The following PSME4 variants were observed in gnomAD, a reference collection of about 807,000 sequenced individuals.
PSME4 encodes proteasome activator complex subunit 4.
Under a neutral mutation model 253.9 loss-of-function variants are expected in PSME4, and 89 were observed. The observed-to-expected ratio is 0.35, with a 90% CI of 0.30 to 0.42. The LOEUF (loss-of-function observed/expected upper bound fraction) is 0.42. Among genes scored for constraint, PSME4 ranks in the 10% least tolerant of loss-of-function variants. The pLI is 1.00. For synonymous variants in PSME4, 851 were observed against 759.2 expected, an observed-to-expected ratio of 1.12 and a Z score of -1.99; for missense variants, 2,014 against 2,195.2, an observed-to-expected ratio of 0.92 and a Z score of 1.65.
Position 53,927,517 on chromosome 2 carries a change from A to T in PSME4, c.1504-34T>A, listed in dbSNP as rs776670243. The T allele has an allele frequency of 3.6e-6, 5 of 1,379,608 alleles. No homozygotes were observed. The African/African-American group carries it at 4.3e-5, about 12-fold the overall frequency. The allele number at this position is 1,379,608 out of a possible 1,614,324, so 85.5% of individuals were successfully genotyped here. ...ACATACAAAGGATTTTCAACATTAC[A>T]TAATTCTAATTCAGAAATACAAGTA... On this transcript the variant is annotated intron_variant, in intron 11 of 46. Transcript: ENST00000404125.
chr2:53,878,219 T>C lies in PSME4; in HGVS notation c.4816-2464A>G, dbSNP rs376269734. On this transcript the variant is annotated intron_variant, in intron 41 of 46. Coordinates refer to ENST00000404125, the MANE Select transcript of PSME4 (RefSeq NM_014614.3). ...ACTTTTATAATTTATTATGCCTGTC[T>C]TTACTGCAATCTCTGAACATAAATT... Among the ~76,000 whole-genome samples the C allele has an allele frequency of 1.3e-4, 20 of 152,344 alleles. No homozygotes were observed. In the East Asian group the frequency reaches 2.1e-3, roughly 16 times the overall value.
At chr2:53,930,029 A>T (rs981448617) in intron 10 of PSME4, among the ~76,000 whole-genome samples, 1 of 150,708 alleles carries the variant, frequency 6.6e-6, no homozygotes, top group African/African-American at 2.4e-5. Context: ...AAATAAATAA[A>T]TAATAAATAA....
At chr2:53,909,946 G>T (rs919983252) in intron 21 of PSME4, 129 bp downstream of exon 21, 9 of 834,456 alleles carry the variant, frequency 1.1e-5, no homozygotes, top group African/African-American at 8.4e-5. Flanking sequence ...CTCCAGCCTG[G>T]GAGACAGAGT....
chr2:53,959,638 GA>G (rs1459866715), intron 1 of PSME4, among the ~76,000 whole-genome samples: 4 of 152,084 alleles, frequency 2.6e-5, no homozygotes, highest in Non-Finnish European at 4.4e-5. Flanking sequence ...AAGGGATCAG[GA>G]ACAAATTACT....
At chr2:53,886,914 G>C (rs1488058427) in intron 40 of PSME4, among the ~76,000 whole-genome samples, 2 of 152,136 alleles carry the variant, frequency 1.3e-5, no homozygotes, top group Admixed American at 1.3e-4. Context: ...ACACAAAAAA[G>C]ACTTATGATT....
chr2:53,890,016 A>G, intron 37 of PSME4, 88 bp downstream of exon 37: 1 of 989,558 alleles, frequency 1.0e-6, no homozygotes, highest in Non-Finnish European at 1.5e-6. Flanking sequence ...AGATTTAAGA[A>G]GTGTTATGAG....
chr2:53,930,787 C>A (rs1425582682), intron 10 of PSME4, among the ~76,000 whole-genome samples: 1 of 152,132 alleles, frequency 6.6e-6, no homozygotes, highest in Non-Finnish European at 1.5e-5. Flanking sequence ...TGAATTCTAC[C>A]ACTAGGGACC....
intron 1 of PSME4, among the ~76,000 whole-genome samples, chr2:53,961,495 G>C (rs538952243): frequency 1.3e-5 from 2 of 152,228 alleles, no homozygotes; most frequent in South Asian, 2.1e-4. Flanking sequence ...GTGAGACCCT[G>C]TCTCTACAAA....
chr2:53,943,505 A>G (rs1326053479), intron 3 of PSME4, among the ~76,000 whole-genome samples: 1 of 152,176 alleles, frequency 6.6e-6, no homozygotes, highest in Non-Finnish European at 1.5e-5. Flanking sequence ...TTTCATTGCC[A>G]CTTCACTCAA....
At chr2:53,934,056 A>G (rs1668991853) in intron 8 of PSME4, among the ~76,000 whole-genome samples, 1 of 152,236 alleles carries the variant, frequency 6.6e-6, no homozygotes, top group African/African-American at 2.4e-5. Flanking sequence ...CAATATATGA[A>G]TGATAAACTA....
At chr2:53,927,156 T>C (rs1194711337) in intron 12 of PSME4, among the ~76,000 whole-genome samples, 1 of 152,166 alleles carries the variant, frequency 6.6e-6, no homozygotes, top group Non-Finnish European at 1.5e-5. Context: ...GACATAAAAC[T>C]GAAATACACC....
At chr2:53,895,981 C>A (rs1385214675) in intron 32 of PSME4, among the ~76,000 whole-genome samples, 1 of 151,974 alleles carries the variant, frequency 6.6e-6, no homozygotes, top group Non-Finnish European at 1.5e-5. Context: ...ACACTTCATT[C>A]CTTTTACCAA....
At chr2:53,918,675 C>A (rs1668166585) in intron 20 of PSME4, among the ~76,000 whole-genome samples, 1 of 152,108 alleles carries the variant, frequency 6.6e-6, no homozygotes, top group Admixed American at 6.6e-5. Context: ...ACAACGGATT[C>A]AATTTAGCTA....
In PSME4 at chr2:53,932,010, G is replaced by C. The variant is rs754437559; in HGVS notation, c.1141C>G (p.Pro381Ala). Residue 381 changes from proline (P) to alanine (A), a missense_variant, in exon 10 of 47, where the codon CCT (proline) becomes GCT (alanine). Physicochemically the swap from Pro to Ala is conservative, Grantham distance 27. This residue lies in a region of PSME4 where 615 missense variants were observed against 594.4 expected (regional missense o/e 1.03). Transcript: ENST00000404125. ...GTAAGCTTGTGGCTATCAGGCACAGGAGTTAACCAAGAGGGCTTCTTGTAT... is the reference window on the plus strand; with the variant it reads ...GTAAGCTTGTGGCTATCAGGCACAGCAGTTAACCAAGAGGGCTTCTTGTAT... ...ERYKKPSWLT[P>A]VPDSHKLTDQ... The C allele has an allele frequency of 1.5e-5, 24 of 1,613,670 alleles. No individual in the cohort carries two copies. The South Asian group carries it at 2.5e-4, about 17-fold the overall frequency.
chr2:53,920,220 C>T lies in PSME4; in HGVS notation c.2393G>A (p.Cys798Tyr), dbSNP rs1308237688. Residue 798 changes from cysteine (C) to tyrosine (Y), a missense_variant, in exon 19 of 47, where the codon TGT becomes TAT. Around this residue, in one of 4 missense-constraint regions of PSME4, gnomAD observed 989 missense variants for 1,021.1 expected, o/e 0.97. Coordinates refer to ENST00000404125, the MANE Select transcript of PSME4 (RefSeq NM_014614.3). ...LQPELVKLQHCGDGKLEMSRD... is the reference protein window; with the variant it reads ...LQPELVKLQHYGDGKLEMSRD... ...AGACATTTCAAGTTTTCCATCCCCA[C>T]AATGCTGGAGTTTGACGAGCTCAGG... The T allele has an allele frequency of 1.9e-6, 3 of 1,611,466 alleles. No individual in the cohort carries two copies. Among genetic ancestry groups the T allele is most frequent in the African/African-American group, 2.7e-5 (2 of 74,808 alleles).
At chr2:53,899,848 G>A (rs1680312657) in intron 29 of PSME4, 33 bp downstream of exon 29, 1 of 1,606,178 alleles carries the variant, frequency 6.2e-7, no homozygotes, top group Middle Eastern at 1.7e-4. Context: ...TATCTATAAT[G>A]TCATCTATTG....
chr2:53,919,035 A>T, intron 20 of PSME4, 116 bp downstream of exon 20: 1 of 1,035,520 alleles, frequency 9.7e-7, no homozygotes, highest in South Asian at 1.6e-5. Context: ...AACAGTGACA[A>T]ATAAAAAGGT....
intron 27 of PSME4, among the ~76,000 whole-genome samples, chr2:53,902,910 T>C (rs559964187): frequency 2.6e-5 from 4 of 152,230 alleles, no homozygotes; most frequent in Non-Finnish European, 5.9e-5. Flanking sequence ...ACAAGCTTCA[T>C]GGAAGATGTT....
chr2:53,920,141 A>C, intron 19 of PSME4, 52 bp downstream of exon 19: 1 of 1,471,758 alleles, frequency 6.8e-7, no homozygotes, highest in Admixed American at 2.2e-5. Context: ...AAAGCCAAAA[A>C]AGACTTCTTT....
Sources: allele counts gnomAD v4.1 joint callset (sites outside exome capture counted in the v4.1 genomes callset), GRCh38; gene constraint gnomAD v4.1.1; regional missense constraint gnomAD v4.1.1; transcripts MANE v1.5; gene names NCBI Gene and HGNC (gene_info 2026-07-23, HGNC 2026-07-21).